Variants in KRI1 observed in about 807,000 individuals in gnomAD.
KRI1 encodes the protein protein KRI1 homolog.
KRI1 carries 83 observed loss-of-function variants against 97.0 expected under a neutral mutation model. The observed-to-expected ratio is 0.86, with a 90% CI of 0.72 to 1.03. The LOEUF is 1.03. Among genes scored for constraint, KRI1 ranks in the 50% least tolerant of loss-of-function variants. The pLI is 0.00. For synonymous variants in KRI1, 371 were observed against 363.5 expected (o/e 1.02, Z -0.23); for missense variants, 916 against 928.4 (o/e 0.99, Z 0.17).
rs752602907 is a variant in KRI1 at position 10,553,903 on chromosome 19, G to A, written c.*48C>T. 10 of 1,444,326 alleles carry A rather than the reference G, an allele frequency of 6.9e-6. No homozygotes were observed. Among genetic ancestry groups the A allele is most frequent in the African/African-American group, 1.4e-5 (1 of 69,888 alleles). The allele number at this position is 1,444,326 out of a possible 1,614,324, so 89.5% of individuals were successfully genotyped here. A position where few individuals can be genotyped will look rare whatever the true frequency, so the allele number is the denominator to read the frequency against. ...CTTGTGGGTGCGAGACCTGTCCAGG[G>A]CTTGATTTGAGGAGAGGAGCCTGAG... is the stretch of plus-strand genomic sequence containing the variant. On this transcript the variant is annotated 3_prime_UTR_variant, in exon 19 of 19. Coordinates refer to ENST00000312962, the MANE Select transcript of KRI1 (RefSeq NM_023008.5).
In KRI1 at chr19:10,566,003, G is replaced by T. The variant is rs375352644; in HGVS notation, c.-4C>A. 1,045 of 1,517,462 alleles carry T rather than the reference G, an allele frequency of 6.9e-4. 11 individuals are homozygous for T. The South Asian group carries it at 0.012, about 17-fold the overall frequency. The allele number at this position is 1,517,462 out of a possible 1,614,324, so 94.0% of individuals were successfully genotyped here. On this transcript the variant is annotated 5_prime_UTR_variant, in exon 1 of 19. Transcript: ENST00000312962. ...ACGACCCGCGCGGTTCCGGCATGGCGGTTCTGTGGCCCATTGCGCACGCGC... is the reference window on the plus strand; with the variant it reads ...ACGACCCGCGCGGTTCCGGCATGGCTGTTCTGTGGCCCATTGCGCACGCGC...
At position 10,557,309 on chromosome 19, in the gene KRI1, G is replaced by A. The variant is rs541151366; in HGVS notation, c.1617+243C>T. On this transcript the variant is annotated intron_variant, in intron 16 of 18. Coordinates refer to ENST00000312962, the MANE Select transcript of KRI1 (RefSeq NM_023008.5). ...TTTAGTAGAGACGGAGTTTCACCAC[G>A]TTGGCCAGGCTGGTCTCGAACTCCT... 3.9e-5 allele frequency among the ~76,000 whole-genome samples: 6 copies of A among 152,070 alleles called. No individual in the cohort carries two copies. The East Asian group carries it at 5.8e-4, about 15-fold the overall frequency.
chr19:10,561,118 A>AGCCACCC, intron 7 of KRI1, 38 bp from the exon 8 acceptor site: 1 of 1,612,820 alleles, frequency 6.2e-7, no homozygotes, highest in Non-Finnish European at 8.5e-7. Context: ...GCAGATGCCC[A>AGCCACCC]GCCACCCGCC....
chr19:10,563,666 A>T (rs558366727), intron 3 of KRI1, among the ~76,000 whole-genome samples: 8 of 151,874 alleles, frequency 5.3e-5, no homozygotes, highest in East Asian at 3.9e-4. Flanking sequence ...ATTATAATTA[A>T]TTTTTTTGAG....
chr19:10,559,612 C>G lies in KRI1; in HGVS notation c.1023+1G>C. 1.2e-6 allele frequency: 2 copies of G among 1,614,038 alleles called. No homozygotes were observed. The highest frequency in any genetic ancestry group is 1.7e-6 in the Non-Finnish European group (2 of 1,180,034). On this transcript the variant is annotated splice_donor_variant, in intron 11 of 18. Transcript: ENST00000312962. LOFTEE classifies it high-confidence loss of function. ...CTCCCCAGCTCACCCCCCACACTCA[C>G]CCTCTTCTTTCGCTCCCGAGTCTCT...
At chr19:10,564,820 G>A in intron 3 of KRI1, 109 bp downstream of exon 3, 8 of 778,540 alleles carry the variant, frequency 1.0e-5, no homozygotes, top group Middle Eastern at 3.5e-4. Context: ...TTTACAGACA[G>A]GAAAAGAGGC....
intron 8 of KRI1, 136 bp from the exon 9 acceptor site, chr19:10,560,584 G>T: frequency 1.6e-6 from 1 of 643,408 alleles, no homozygotes; most frequent in South Asian, 2.0e-5. Flanking sequence ...TTTTTATTTC[G>T]AGACAGGGTC....
rs545288948 is a variant in KRI1, at chr19:10,560,659, G to A, written c.664-211C>T. Among the ~76,000 whole-genome samples, 5 of 152,192 alleles carry A rather than the reference G, an allele frequency of 3.3e-5. No individual in the cohort carries two copies. The South Asian group carries it at 8.3e-4, about 25-fold the overall frequency. On this transcript the variant is annotated intron_variant, in intron 8 of 18. Coordinates refer to ENST00000312962, the MANE Select transcript of KRI1 (RefSeq NM_023008.5). ...TAGCTCACTGCAGACCCAACCTCCCGGGCTCACAAGATCCTCCCACCTTAG... is the reference window on the plus strand; with the variant it reads ...TAGCTCACTGCAGACCCAACCTCCCAGGCTCACAAGATCCTCCCACCTTAG...
intron 1 of KRI1, 21 bp from the exon 2 acceptor site, chr19:10,565,811 G>GCGC (rs570294642): frequency 3.9e-6 from 6 of 1,522,912 alleles, no homozygotes; most frequent in South Asian, 2.4e-5. Flanking sequence ...CAGACGGGAT[G>GCGC]CCCCCCCCCA....
intron 18 of KRI1, among the ~76,000 whole-genome samples, chr19:10,554,499 T>G (rs140144406): frequency 5.1e-4 from 78 of 152,308 alleles, no homozygotes; most frequent in Admixed American, 9.2e-4. Context: ...GATTCTGGTA[T>G]TTGTGCCTGG....
chr19:10,560,355 C>T lies in KRI1; in HGVS notation c.757G>A (p.Glu253Lys). ...TCCTCTTCATCTTCCTCCTCCTCTT[C>T]CTCCTCCTCATAGCGTTTGTTGAGG... Reference protein sequence around the residue: ...YILNKRYEEEEEEEEDEEEME... With the variant: ...YILNKRYEEEKEEEEDEEEME... The change falls in exon 9 of 19, where the codon GAA becomes AAA. Residue 253 changes from glutamate to lysine, a missense_variant. This residue lies in a region of KRI1 where 672 missense variants were observed against 667.2 expected (regional missense o/e 1.01). Transcript: ENST00000312962. 10 of 1,612,306 alleles carry T rather than the reference C, an allele frequency of 6.2e-6. No homozygotes were observed. The highest frequency in any genetic ancestry group is 8.5e-6 in the Non-Finnish European group (10 of 1,179,516).
At position 10,555,267 on chromosome 19, in the gene KRI1, C is replaced by T. The variant is rs543106938; in HGVS notation, c.1682+18G>A. The T allele has an allele frequency of 1.9e-4, 311 of 1,613,202 alleles. 1 individual carries two copies. The South Asian group carries it at 3.0e-3, about 15-fold the overall frequency. ...CTGCCCCCTGCGCATGTGGCCCCGC[C>T]GCGCCCCGCCCCATCACCTGTACAT... is the stretch of plus-strand genomic sequence containing the variant. On this transcript the variant is annotated intron_variant, in intron 17 of 18. Transcript: ENST00000312962.
chr19:10,554,102 T>G lies in KRI1; in HGVS notation c.1961A>C (p.Lys654Thr). ...PAPQKRRRAK[K>T]ARLLGPTVML... ...CACAGTGGGGCCCAGCAGCCGTGCC[T>G]TCTTGGCCCTCCTCCGCTTCTGGGG... is the stretch of plus-strand genomic sequence containing the variant. The change falls in exon 19 of 19, where the codon AAG (lysine) becomes ACG (threonine). Residue 654 changes from lysine to threonine, a missense_variant. Transcript: ENST00000312962. The G allele has an allele frequency of 6.2e-7, 1 of 1,614,184 alleles. No homozygotes were observed. The highest frequency in any genetic ancestry group is 8.5e-7 in the Non-Finnish European group (1 of 1,180,036).
chr19:10,565,463 CT>C, intron 2 of KRI1: 3 of 543,108 alleles, frequency 5.5e-6, no homozygotes, highest in South Asian at 4.7e-5. Context: ...AGGGGGGGTT[CT>C]TGGGGGACAG....
Position 10,553,773 on chromosome 19 carries a change from T to C in KRI1, c.*178A>G, listed in dbSNP as rs1388529672. The C allele has an allele frequency of 1.9e-5, 11 of 591,142 alleles. No individual in the cohort carries two copies. The highest frequency in any genetic ancestry group is 2.9e-5 in the Non-Finnish European group (10 of 346,664). The allele number at this position is 591,142 out of a possible 1,614,324, so 36.6% of individuals were successfully genotyped here. On this transcript the variant is annotated 3_prime_UTR_variant, in exon 19 of 19. Coordinates refer to ENST00000312962, the MANE Select transcript of KRI1 (RefSeq NM_023008.5). ...AGTCTCGCTAAGTTGCCCACGCTGG[T>C]CTCCAATTCCTGGGCTCAAGTGATC... is the stretch of plus-strand genomic sequence containing the variant.
intron 16 of KRI1, 71 bp from the exon 17 acceptor site, chr19:10,555,420 T>C (rs1055338964): frequency 2.6e-6 from 4 of 1,537,928 alleles, no homozygotes; most frequent in African/African-American, 2.7e-5. Context: ...GCCTAAGTCA[T>C]GTCATTAGTC....
In KRI1 at chr19:10,558,321, T is replaced by TC. The variant is rs973010314; in HGVS notation, c.1195-83dup. ...CCCTACGATGCCGCCAATGACCCCC[T>TC]CCTTGGCAACTTTACTCCTACAGCT... On this transcript the variant is annotated intron_variant, in intron 12 of 18. Coordinates refer to ENST00000312962, the MANE Select transcript of KRI1 (RefSeq NM_023008.5). The TC allele has an allele frequency of 1.5e-5, 20 of 1,355,310 alleles. 1 individual carries two copies. Among genetic ancestry groups the TC allele is most frequent in the Middle Eastern group, 1.8e-4 (1 of 5,458 alleles). 84.0% of individuals were successfully genotyped at this position (1,355,310 alleles called of 1,614,324 possible).
chr19:10,555,139 C>T lies in KRI1; in HGVS notation c.1729G>A (p.Ala577Thr). The T allele has an allele frequency of 3.7e-6, 6 of 1,614,212 alleles. No homozygotes were observed. Among genetic ancestry groups the T allele is most frequent in the Non-Finnish European group, 5.1e-6 (6 of 1,180,040 alleles). Reference sequence around the variant, plus strand: ...TGCCGCTTTTTCCATGAGTTCTGGGCCTTCTGGCTGTACGCCCGCTTGTCC... The same window carrying T: ...TGCCGCTTTTTCCATGAGTTCTGGGTCTTCTGGCTGTACGCCCGCTTGTCC... ...LRDKRAYSQK[A>T]QNSWKKRQVF... The change falls in exon 18 of 19, where the codon GCC becomes ACC. Residue 577 changes from alanine (A) to threonine (T), a missense_variant. Physicochemically the swap from Ala to Thr is moderately conservative, Grantham distance 58. This residue lies in a region of KRI1 where 672 missense variants were observed against 667.2 expected (regional missense o/e 1.01). Coordinates refer to ENST00000312962, the MANE Select transcript of KRI1 (RefSeq NM_023008.5).
At position 10,553,592 on chromosome 19, in the gene KRI1, A is replaced by G. The variant is rs566889834; in HGVS notation, c.*359T>C. On this transcript the variant is annotated 3_prime_UTR_variant, in exon 19 of 19. Transcript: ENST00000312962. ...GTTTTTTAATTTTTTTTTTTTTTTC[A>G]AGAGACAGGGTCTTGCTTTGTTGCC... The G allele has an allele frequency of 8.9e-4, 71 of 79,916 alleles. No homozygotes were observed. The highest frequency in any genetic ancestry group is 2.8e-3 in the African/African-American group (64 of 22,950). The allele number at this position is 79,916 out of a possible 1,614,324, so 5.0% of individuals were successfully genotyped here.
Sources: gnomAD v4.1 joint callset for allele counts (sites outside exome capture counted in the v4.1 genomes callset) on GRCh38, gnomAD v4.1.1 for gene constraint, gnomAD v4.1.1 regional missense constraint, MANE v1.5 for transcripts, NCBI Gene and HGNC (gene_info 2026-07-23, HGNC 2026-07-21) for gene names.